The following EPB41L4B variants were observed in gnomAD, a reference collection of about 807,000 sequenced individuals.
The protein encoded by EPB41L4B is band 4.1-like protein 4B.
Under a neutral mutation model 112.5 loss-of-function variants are expected in EPB41L4B, and 30 were observed. The ratio of observed to expected loss-of-function variants is 0.27; its 90% confidence interval spans 0.20 to 0.36. The LOEUF (loss-of-function observed/expected upper bound fraction) is 0.36. EPB41L4B is among the 10% of genes least tolerant of loss of function. The pLI is 1.00. For synonymous variants in EPB41L4B, 408 were observed against 439.7 expected, an observed-to-expected ratio of 0.93 and a Z score of 0.90; for missense variants, 1,024 against 1,133.3, an observed-to-expected ratio of 0.90 and a Z score of 1.38.
chr9:109,179,241 C>T (rs1238870580), intron 24 of EPB41L4B, among the ~76,000 whole-genome samples: 1 of 152,228 alleles, frequency 6.6e-6, no homozygotes, highest in Non-Finnish European at 1.5e-5. Flanking sequence ...AAGAGCCCAG[C>T]TGTTGAAACC....
Position 109,217,031 on chromosome 9 carries a change from G to A in EPB41L4B, c.1524C>T (p.His508=), listed in dbSNP as rs1833397933. 1 of 1,614,220 alleles carries A rather than the reference G, an allele frequency of 6.2e-7. No homozygotes were observed. The highest frequency in any genetic ancestry group is 8.5e-7 in the Non-Finnish European group (1 of 1,180,044). ...GGTGCTGGTGCTGATGCTGATGCTG[G>A]TGCTGGTGGTGATGCCTTCCTGAAG... ...TAASGRHHHQ[H]QHQHQHQHHS... is the part of the protein sequence containing the mutation. The change falls in exon 16 of 26, where the codon CAC becomes CAT. Residue 508 remains histidine, a synonymous_variant. Coordinates refer to ENST00000374566, the MANE Select transcript of EPB41L4B (RefSeq NM_019114.5).
intron 19 of EPB41L4B, among the ~76,000 whole-genome samples, chr9:109,200,986 T>G (rs1470222234): frequency 6.6e-6 from 1 of 152,170 alleles, no homozygotes; most frequent in Admixed American, 6.5e-5. Context: ...TTTTAATGCA[T>G]TTTTGTAGTG....
chr9:109,299,167 G>A (rs866555033), intron 1 of EPB41L4B, among the ~76,000 whole-genome samples: 50 of 152,296 alleles, frequency 3.3e-4, no homozygotes, highest in African/African-American at 1.1e-3. Flanking sequence ...AAATCAGATC[G>A]TGCTATCAGA....
At chr9:109,185,386 G>C (rs748474445) in intron 23 of EPB41L4B, 103 bp downstream of exon 23, 96 of 947,718 alleles carry the variant, frequency 1.0e-4, no homozygotes, top group Non-Finnish European at 1.5e-4. Flanking sequence ...CTCTGCCCGA[G>C]ATCTGGGGCT....
rs189573565 is a variant in EPB41L4B at position 109,243,769 on chromosome 9, C to T, written c.1345-87G>A. 3.5e-5 allele frequency: 47 copies of T among 1,342,172 alleles called. No homozygotes were observed. In the East Asian group the frequency reaches 9.3e-4, roughly 26 times the overall value. The allele number at this position is 1,342,172 out of a possible 1,614,324, so 83.1% of individuals were successfully genotyped here. A position where few individuals can be genotyped will look rare whatever the true frequency, so the allele number is the denominator to read the frequency against. Reference sequence around the variant, plus strand: ...GCTTTGTCTGTTCCTGGCATCCACCCGAGGGGCTGGGGGACTAAGAATGGA... The same window carrying T: ...GCTTTGTCTGTTCCTGGCATCCACCTGAGGGGCTGGGGGACTAAGAATGGA... On this transcript the variant is annotated intron_variant, in intron 14 of 25. Transcript: ENST00000374566.
intron 23 of EPB41L4B, among the ~76,000 whole-genome samples, chr9:109,184,090 GTGAAGTCTTGGGGTACATTC>G (rs112727119): frequency 0.021 from 3,206 of 152,336 alleles, 40 homozygotes; most frequent in Middle Eastern, 0.044. Flanking sequence ...GACCCTTGGG[GTGAAGTCTTGGGGTACATTC>G]TCCTCTTGTT....
chr9:109,243,150 C>T (rs1281859635), intron 15 of EPB41L4B, among the ~76,000 whole-genome samples: 1 of 143,276 alleles, frequency 7.0e-6, no homozygotes, highest in Non-Finnish European at 1.5e-5. Flanking sequence ...ATTGACCCCT[C>T]AGTTTAGGGA....
intron 13 of EPB41L4B, among the ~76,000 whole-genome samples, chr9:109,248,157 C>T (rs888585573): frequency 1.3e-5 from 2 of 152,228 alleles, no homozygotes; most frequent in Non-Finnish European, 2.9e-5. Flanking sequence ...CCTCACAGCA[C>T]CGGCACCAGA....
intron 15 of EPB41L4B, among the ~76,000 whole-genome samples, chr9:109,242,172 CA>C (rs1473352190): frequency 6.6e-6 from 1 of 152,190 alleles, no homozygotes; most frequent in African/African-American, 2.4e-5. Context: ...CAGCATTTGC[CA>C]AAAGTGTTGG....
chr9:109,212,149 G>A (rs146890761), intron 17 of EPB41L4B, among the ~76,000 whole-genome samples: 6 of 152,272 alleles, frequency 3.9e-5, no homozygotes, highest in Admixed American at 1.3e-4. Context: ...TCCACCAATA[G>A]TCATGGCAAT....
intron 15 of EPB41L4B, chr9:109,241,014 T>C (rs1450353599): frequency 3.0e-6 from 3 of 985,146 alleles, no homozygotes; most frequent in Non-Finnish European, 3.6e-6. Context: ...CTATATAACA[T>C]CTAATAAGTT....
chr9:109,263,259 G>A (rs970868848), intron 5 of EPB41L4B, among the ~76,000 whole-genome samples, 157 bp from the exon 6 acceptor site: 2 of 152,158 alleles, frequency 1.3e-5, no homozygotes, highest in African/African-American at 4.8e-5. Context: ...TGCAACAAGC[G>A]ACTTGCACTA....
At chr9:109,196,005 T>C (rs1012565864) in intron 20 of EPB41L4B, among the ~76,000 whole-genome samples, 1 of 152,126 alleles carries the variant, frequency 6.6e-6, no homozygotes, top group African/African-American at 2.4e-5. Flanking sequence ...GATTTTTTGC[T>C]TTGAAGTTGT....
chr9:109,252,441 G>A lies in EPB41L4B; in HGVS notation c.1280-930C>T, dbSNP rs546049894. ...ACGCTCCCATCCCCTGGCCTCTCTC[G>A]AAGGGCAGGACTATTTCCTGTGCTG... On this transcript the variant is annotated intron_variant, in intron 12 of 25. Coordinates refer to ENST00000374566, the MANE Select transcript of EPB41L4B (RefSeq NM_019114.5). Among the ~76,000 whole-genome samples the A allele has an allele frequency of 1.3e-4, 20 of 152,202 alleles. No homozygotes were observed. The East Asian group carries it at 2.9e-3, about 22-fold the overall frequency.
At chr9:109,194,506 G>A (rs187576753) in intron 20 of EPB41L4B, 109 bp from the exon 21 acceptor site, 64 of 1,227,352 alleles carry the variant, frequency 5.2e-5, no homozygotes, top group Non-Finnish European at 6.8e-5. Flanking sequence ...GGGGATTGGG[G>A]GTTCCCAAAC....
intron 2 of EPB41L4B, among the ~76,000 whole-genome samples, chr9:109,275,865 C>T (rs546810378): frequency 4.7e-4 from 72 of 152,086 alleles, no homozygotes; most frequent in African/African-American, 1.7e-3. Flanking sequence ...GCTTTGGTTT[C>T]ACCATCTAGA....
intron 15 of EPB41L4B, chr9:109,240,667 C>T: frequency 1.0e-6 from 1 of 985,408 alleles, no homozygotes; most frequent in Non-Finnish European, 1.2e-6. Context: ...AGGGCAACAA[C>T]CATCTCATCC....
intron 1 of EPB41L4B, among the ~76,000 whole-genome samples, chr9:109,294,781 T>C (rs552366842): frequency 1.1e-4 from 16 of 152,292 alleles, no homozygotes; most frequent in African/African-American, 3.8e-4. Context: ...CTTTAAAATA[T>C]TTCAGAATCA....
In EPB41L4B at chr9:109,286,113, G is replaced by A. The variant is rs984052752; in HGVS notation, c.307-6192C>T. ...AGTGCCTGGCTGGCACACAGCAGGC[G>A]CTCCATAAATGACTATTATATGCAG... is the stretch of plus-strand genomic sequence containing the variant. On this transcript the variant is annotated intron_variant, in intron 1 of 25. Coordinates refer to ENST00000374566, the MANE Select transcript of EPB41L4B (RefSeq NM_019114.5). 1.6e-4 allele frequency among the ~76,000 whole-genome samples: 22 copies of A among 134,596 alleles called. 1 individual carries two copies. Among genetic ancestry groups the A allele is most frequent in the Admixed American group, 8.5e-4 (10 of 11,746 alleles). 88.3% of individuals were successfully genotyped at this position (134,596 alleles called of 152,430 possible).
Sources: allele counts gnomAD v4.1 joint callset (sites outside exome capture counted in the v4.1 genomes callset), GRCh38; gene constraint gnomAD v4.1.1; transcripts MANE v1.5; gene names NCBI Gene and HGNC (gene_info 2026-07-23, HGNC 2026-07-21).